Variants in DACH2 observed in about 807,000 individuals in gnomAD.
DACH2 encodes the protein dachshund family transcription factor 2.
DACH2 carries 17 observed loss-of-function variants against 35.8 expected under a neutral mutation model. The observed-to-expected ratio is 0.48, with a 90% confidence interval of 0.33 to 0.71. The LOEUF (loss-of-function observed/expected upper bound fraction) is 0.71, where lower values mean the gene tolerates loss of function less well. Among genes scored for constraint, DACH2 ranks in the 30% least tolerant of loss-of-function variants. The probability of loss-of-function intolerance (pLI) is 0.02; values close to 1 mark genes in which losing one functional copy is unlikely to be tolerated. For missense variants in DACH2, 469 were observed against 472.7 expected (o/e 0.99, Z 0.07); for synonymous variants, 195 against 177.3 (o/e 1.10, Z -0.79).
intron 1 of DACH2, among the ~76,000 whole-genome samples, chrX:86,245,611 A>T (rs1481892141): frequency 8.9e-6 from 1 of 111,909 alleles, no homozygotes; most frequent in Non-Finnish European, 1.9e-5. Context: ...AAAGCAGTTG[A>T]CTGAATCAAA....
At chrX:86,803,372 T>C (rs1006686809) in intron 7 of DACH2, among the ~76,000 whole-genome samples, 2 of 111,848 alleles carry the variant, frequency 1.8e-5, no homozygotes, top group African/African-American at 3.3e-5. Flanking sequence ...TTTTTCGAAA[T>C]TGTAAAATTT....
At chrX:86,831,320 CAT>C (rs1941157673) in intron 11 of DACH2, 1 of 111,061 alleles carries the variant, frequency 9.0e-6, no homozygotes, top group Admixed American at 9.6e-5. Context: ...GACTCAGAAA[CAT>C]TATCTTTAAG....
chrX:86,387,460 A>T (rs2036138175), intron 2 of DACH2, among the ~76,000 whole-genome samples: 1 of 111,576 alleles, frequency 9.0e-6, no homozygotes, highest in African/African-American at 3.3e-5. Flanking sequence ...TGTCTTTGGA[A>T]ATCTTGTGTT....
At chrX:86,207,761 C>T (rs1290189425) in intron 1 of DACH2, among the ~76,000 whole-genome samples, 2 of 110,345 alleles carry the variant, frequency 1.8e-5, no homozygotes, top group East Asian at 2.8e-4. Context: ...TGGGTGTTGG[C>T]GCTAAAGTTT....
intron 2 of DACH2, among the ~76,000 whole-genome samples, chrX:86,488,846 A>T (rs912097982): frequency 1.8e-5 from 2 of 111,837 alleles, no homozygotes; most frequent in Non-Finnish European, 3.8e-5. Flanking sequence ...AAAGTATTAA[A>T]TGAGTCAATA....
intron 11 of DACH2, among the ~76,000 whole-genome samples, chrX:86,819,394 C>T (rs12834180): frequency 0.38 from 41,497 of 109,406 alleles, 6,126 homozygotes; most frequent in Middle Eastern, 0.44. Context: ...CCCTGTTTCA[C>T]ATAAAATAAA....
intron 7 of DACH2, among the ~76,000 whole-genome samples, chrX:86,766,350 A>T (rs2041935052): frequency 8.9e-6 from 1 of 112,065 alleles, no homozygotes. Flanking sequence ...CTCCCAACCC[A>T]AATAAATACA....
At chrX:86,511,043 A>G (rs966303996) in intron 2 of DACH2, among the ~76,000 whole-genome samples, 4 of 112,053 alleles carry the variant, frequency 3.6e-5, no homozygotes, top group African/African-American at 6.5e-5. Flanking sequence ...TCATCCAAAT[A>G]ACAGTTACCT....
intron 2 of DACH2, among the ~76,000 whole-genome samples, chrX:86,399,171 A>T (rs887620055): frequency 1.8e-5 from 2 of 111,631 alleles, no homozygotes; most frequent in Non-Finnish European, 3.8e-5. Context: ...TTGTTGGTTT[A>T]AAGTCTGTTT....
intron 2 of DACH2, among the ~76,000 whole-genome samples, chrX:86,394,766 A>C (rs1190822216): frequency 8.9e-6 from 1 of 111,739 alleles, no homozygotes; most frequent in Non-Finnish European, 1.9e-5. Context: ...AATATATAAA[A>C]CATCATGTCG....
At chrX:86,729,231 C>A (rs750309220) in intron 6 of DACH2, among the ~76,000 whole-genome samples, 1 of 112,108 alleles carries the variant, frequency 8.9e-6, no homozygotes, top group South Asian at 3.7e-4. Flanking sequence ...AGATTATTTT[C>A]GAGCTTTAAG....
At position 86,667,497 on chromosome X, in the gene DACH2, A is replaced by G. The variant is rs768610817; in HGVS notation, c.772+16330A>G. Among the ~76,000 whole-genome samples, 10 of 58,815 alleles carry G rather than the reference A, an allele frequency of 1.7e-4. No homozygotes were observed. In the East Asian group the frequency reaches 2.4e-3, roughly 14 times the overall value. 51.1% of individuals were successfully genotyped at this position (58,815 alleles called of 115,157 possible). ...AAAGAAAGAAGGAAGGAAAGAAAGA[A>G]AGAGAAAGAAAGAAAGAAAGAAAGA... On this transcript the variant is annotated intron_variant, in intron 4 of 11. Transcript: ENST00000373125.
chrX:86,400,175 G>T (rs189866698), intron 2 of DACH2, among the ~76,000 whole-genome samples: 1,739 of 111,488 alleles, frequency 0.016, 9 homozygotes, highest in Middle Eastern at 0.032. Context: ...GATCGCATCG[G>T]CTACTGAGGC....
At position 86,232,859 on chromosome X, in the gene DACH2, A is replaced by G. The variant is rs1305243589; in HGVS notation, c.488+83751A>G. ...TTACTGGATGTATGCCCAAAGGAAT[A>G]TAAATTATTCGATCATAAAGACACA... On this transcript the variant is annotated intron_variant, in intron 1 of 11. Coordinates refer to ENST00000373125, the MANE Select transcript of DACH2 (RefSeq NM_053281.3). 2.7e-5 allele frequency among the ~76,000 whole-genome samples: 3 copies of G among 112,222 alleles called. No homozygotes were observed. In the East Asian group the frequency reaches 8.4e-4, roughly 31 times the overall value.
intron 6 of DACH2, among the ~76,000 whole-genome samples, chrX:86,733,557 A>T (rs1291761): frequency 0.46 from 50,927 of 110,516 alleles, 8,535 homozygotes; most frequent in Admixed American, 0.63. Context: ...GAAGACAAAA[A>T]TAGGTAAAAT....
At chrX:86,321,765 T>A (rs762380830) in intron 1 of DACH2, among the ~76,000 whole-genome samples, 16 of 112,424 alleles carry the variant, frequency 1.4e-4, no homozygotes, top group Non-Finnish European at 2.3e-4. Flanking sequence ...CAACATAGCA[T>A]CTCTGCATGT....
At chrX:86,502,011 T>TCTCCTTCC (rs1464785461) in intron 2 of DACH2, among the ~76,000 whole-genome samples, 14 of 95,530 alleles carry the variant, frequency 1.5e-4, no homozygotes, top group African/African-American at 5.4e-4. Flanking sequence ...TCTTTCCTTC[T>TCTCCTTCC]TTCCTTCCTT....
intron 2 of DACH2, among the ~76,000 whole-genome samples, chrX:86,500,661 A>G (rs2038237585): frequency 8.9e-6 from 1 of 111,826 alleles, no homozygotes; most frequent in Admixed American, 9.5e-5. Context: ...TTAGAGCACC[A>G]AGAATTGCAC....
intron 2 of DACH2, among the ~76,000 whole-genome samples, chrX:86,494,039 T>A (rs999105108): frequency 1.7e-4 from 19 of 111,661 alleles, no homozygotes; most frequent in African/African-American, 5.5e-4. Flanking sequence ...GGCCACAAGG[T>A]GCTCTCAGCC....
Sources: allele counts gnomAD v4.1 joint callset (sites outside exome capture counted in the v4.1 genomes callset), GRCh38; gene constraint gnomAD v4.1.1; transcripts MANE v1.5; gene names NCBI Gene and HGNC (gene_info 2026-07-23, HGNC 2026-07-21).